EDARADD: variants seen among roughly 807,000 people sequenced by gnomAD.
EDARADD encodes ectodysplasin-A receptor-associated adapter protein.
A neutral mutation model predicts 25.6 loss-of-function variants in EDARADD; 20 were observed. That is an observed-to-expected ratio of 0.78 (90% CI 0.55 to 1.14). The LOEUF is 1.14. Among genes scored for constraint, EDARADD ranks in the 50% most tolerant of loss-of-function variants. The pLI, the probability that EDARADD is intolerant of heterozygous loss-of-function variation, is 0.00. For synonymous variants in EDARADD, 86 were observed against 94.4 expected, an observed-to-expected ratio of 0.91 and a Z score of 0.52; for missense variants, 225 against 270.1, an observed-to-expected ratio of 0.83 and a Z score of 1.17.
chr1:236,372,856 T>C (rs899609122), intron 3 of EDARADD, among the ~76,000 whole-genome samples: 1 of 152,044 alleles, frequency 6.6e-6, no homozygotes, highest in African/African-American at 2.4e-5. Flanking sequence ...GAGTTGTTCA[T>C]AATATTCCTT....
upstream of EDARADD, among the ~76,000 whole-genome samples, chr1:236,389,298 T>G (rs934915868): frequency 1.1e-4 from 16 of 152,124 alleles, no homozygotes; most frequent in Admixed American, 3.3e-4. Context: ...CCATCCCTCC[T>G]CTCTGCTCTG....
chr1:236,389,783 C>T (rs1038199044), upstream of EDARADD, among the ~76,000 whole-genome samples: 1 of 152,054 alleles, frequency 6.6e-6, no homozygotes, highest in African/African-American at 2.4e-5. Flanking sequence ...AGGTGGATTC[C>T]CTGAGCCCAG....
At chr1:236,350,042 G>A (rs1337671605) in intron 2 of EDARADD, among the ~76,000 whole-genome samples, 1 of 152,126 alleles carries the variant, frequency 6.6e-6, no homozygotes, top group African/African-American at 2.4e-5. Context: ...AACCCAGGAG[G>A]CAGAGGTTGC....
intron 3 of EDARADD, among the ~76,000 whole-genome samples, chr1:236,363,365 C>T (rs1373852763): frequency 6.6e-6 from 1 of 151,692 alleles, no homozygotes; most frequent in East Asian, 2.0e-4. Context: ...CCTCTTGGTG[C>T]TGTTCTGGTA....
At chr1:236,359,442 C>A (rs1459358028) in intron 3 of EDARADD, among the ~76,000 whole-genome samples, 1 of 152,300 alleles carries the variant, frequency 6.6e-6, no homozygotes, top group Admixed American at 6.5e-5. Context: ...GTTTAAGGTG[C>A]CATCTTGGGA....
chr1:236,446,555 A>T (rs1571939735), intron 4 of EDARADD, among the ~76,000 whole-genome samples: 1 of 6,572 alleles, frequency 1.5e-4, no homozygotes, highest in South Asian at 5.4e-3. Flanking sequence ...CCATCTCAAG[A>T]AAAAAAAAAA....
intron 2 of EDARADD, among the ~76,000 whole-genome samples, chr1:236,412,866 T>TTTTA (rs201599124): frequency 0.021 from 3,263 of 152,270 alleles, 51 homozygotes; most frequent in Non-Finnish European, 0.035. Flanking sequence ...TACTGTTTAT[T>TTTTA]TTTATTTATT....
At chr1:236,455,722 C>T (rs1029645317) in intron 4 of EDARADD, among the ~76,000 whole-genome samples, 1 of 152,214 alleles carries the variant, frequency 6.6e-6, no homozygotes, top group African/African-American at 2.4e-5. Flanking sequence ...GTTCCTGTTG[C>T]AGAGCTGTCT....
upstream of EDARADD, among the ~76,000 whole-genome samples, chr1:236,393,563 T>A (rs1338649174): frequency 6.6e-6 from 1 of 151,858 alleles, no homozygotes; most frequent in Admixed American, 6.6e-5. Context: ...TCCAGCTAAG[T>A]TTTTTGTATT....
At position 236,432,370 on chromosome 1, in the gene EDARADD, TAGAGCC is replaced by T. The variant is rs1051649384; in HGVS notation, c.219+4924_219+4929del. ...TGCCACTGCACTTCAGCCTGGGAGA[TAGAGCC>T]AGACCCTGCCACCAAAAGAAAAAAA... On this transcript the variant is annotated intron_variant, in intron 4 of 5. Transcript: ENST00000334232. Among the ~76,000 whole-genome samples the T allele has an allele frequency of 1.5e-4, 22 of 150,110 alleles. No individual in the cohort carries two copies. In the East Asian group the frequency reaches 1.8e-3, roughly 12 times the overall value.
chr1:236,436,619 C>G (rs1305487314), intron 4 of EDARADD, among the ~76,000 whole-genome samples: 2 of 50,198 alleles, frequency 4.0e-5, no homozygotes, highest in Non-Finnish European at 8.1e-5. Flanking sequence ...AGAGCAAGAT[C>G]TTGTCAAAAA....
At chr1:236,477,154 T>C (rs1659532566) in intron 5 of EDARADD, among the ~76,000 whole-genome samples, 1 of 152,004 alleles carries the variant, frequency 6.6e-6, no homozygotes, top group Admixed American at 6.6e-5. Context: ...CTTTTCTCCA[T>C]GCTTGTGATT....
intron 4 of EDARADD, among the ~76,000 whole-genome samples, chr1:236,445,231 A>ATTTTT (rs1415805260): frequency 2.1e-5 from 1 of 47,296 alleles, no homozygotes; most frequent in Non-Finnish European, 6.8e-5. Context: ...GACATAATAA[A>ATTTTT]TTCTTTTTTT....
At chr1:236,465,499 C>G (rs1423816809) in intron 4 of EDARADD, among the ~76,000 whole-genome samples, 1 of 152,204 alleles carries the variant, frequency 6.6e-6, no homozygotes, top group Non-Finnish European at 1.5e-5. Flanking sequence ...CAGATTTCAG[C>G]AGGGTCCATC....
At chr1:236,421,899 A>G (rs1657795475) in intron 3 of EDARADD, among the ~76,000 whole-genome samples, 1 of 152,154 alleles carries the variant, frequency 6.6e-6, no homozygotes, top group African/African-American at 2.4e-5. Context: ...AACCTTAATG[A>G]TGGCTGAGAC....
intron 1 of EDARADD, among the ~76,000 whole-genome samples, chr1:236,405,807 T>TC (rs1296266745): frequency 2.3e-5 from 3 of 128,982 alleles, no homozygotes; most frequent in African/African-American, 8.7e-5. Context: ...TTTCTTTCTT[T>TC]CTTTCCTTCC....
chr1:236,442,158 T>C (rs1369324451), intron 4 of EDARADD, among the ~76,000 whole-genome samples: 1 of 151,184 alleles, frequency 6.6e-6, no homozygotes, highest in Non-Finnish European at 1.5e-5. Context: ...CCGTGTCTCA[T>C]TCTGTCACCC....
At chr1:236,360,537 G>GTTTTTT (rs869053977) in intron 3 of EDARADD, among the ~76,000 whole-genome samples, 3 of 131,266 alleles carry the variant, frequency 2.3e-5, no homozygotes, top group Admixed American at 7.9e-5. Flanking sequence ...TTAATTCACG[G>GTTTTTT]TTTTTTTTTT....
chr1:236,416,206 C>T (rs1419547459), intron 3 of EDARADD, among the ~76,000 whole-genome samples: 2 of 152,224 alleles, frequency 1.3e-5, no homozygotes, highest in Admixed American at 1.3e-4. Flanking sequence ...TTACCGTCCA[C>T]CTCCCAGGGT....
Sources: gnomAD v4.1 joint callset for allele counts (sites outside exome capture counted in the v4.1 genomes callset) on GRCh38, gnomAD v4.1.1 for gene constraint, MANE v1.5 for transcripts, NCBI Gene and HGNC (gene_info 2026-07-23, HGNC 2026-07-21) for gene names.